NLGN4X: variants seen among roughly 807,000 people sequenced by gnomAD.
NLGN4X encodes the protein neuroligin 4 X-linked, also known as neuroligin-4, X-linked.
In NLGN4X, 3 loss-of-function variants were observed where a neutral mutation model predicts 40.3. The ratio of observed to expected loss-of-function variants is 0.07; its 90% CI spans 0.03 to 0.19. The LOEUF (loss-of-function observed/expected upper bound fraction) is 0.19. Among genes scored for constraint, NLGN4X ranks in the 10% least tolerant of loss-of-function variants. The probability of loss-of-function intolerance (pLI) is 1.00; values close to 1 mark genes in which losing one functional copy is unlikely to be tolerated. For missense variants in NLGN4X, 382 were observed against 708.3 expected (o/e 0.54, Z 5.23); for synonymous variants, 270 against 306.8 (o/e 0.88, Z 1.25).
chrX:6,087,658 T>G (rs757866670), intron 2 of NLGN4X, among the ~76,000 whole-genome samples: 57 of 111,867 alleles, frequency 5.1e-4, no homozygotes, highest in African/African-American at 1.8e-3. Flanking sequence ...TAAATTTTGT[T>G]GTATAATACC....
At chrX:5,968,175 A>G (rs1428404164) in intron 3 of NLGN4X, among the ~76,000 whole-genome samples, 1 of 109,239 alleles carries the variant, frequency 9.2e-6, no homozygotes, top group Non-Finnish European at 1.9e-5. Flanking sequence ...CCGTAATGCA[A>G]TATTTTTATT....
intron 2 of NLGN4X, among the ~76,000 whole-genome samples, chrX:6,141,093 T>C (rs1290541721): frequency 8.9e-6 from 1 of 111,801 alleles, no homozygotes; most frequent in Non-Finnish European, 1.9e-5. Flanking sequence ...GTGGATGTTT[T>C]TGATCTCACA....
chrX:6,223,110 C>A (rs73627057), intron 1 of NLGN4X, among the ~76,000 whole-genome samples: 12,843 of 109,570 alleles, frequency 0.12, 622 homozygotes, highest in African/African-American at 0.16. Context: ...ATGATGCAGA[C>A]CTTACTATAA....
intron 2 of NLGN4X, among the ~76,000 whole-genome samples, chrX:6,078,585 C>T (rs771413074): frequency 1.5e-4 from 17 of 111,593 alleles, no homozygotes; most frequent in East Asian, 8.5e-4. Flanking sequence ...AATGTGCTTG[C>T]GGCAATTATT....
intron 2 of NLGN4X, among the ~76,000 whole-genome samples, chrX:6,069,342 GA>G (rs1301875492): frequency 9.0e-6 from 1 of 110,896 alleles, no homozygotes; most frequent in African/African-American, 3.3e-5. Context: ...ACTAATTTAA[GA>G]AAAGGACTAA....
At chrX:6,052,647 T>A (rs1451859837) in intron 2 of NLGN4X, among the ~76,000 whole-genome samples, 1 of 112,154 alleles carries the variant, frequency 8.9e-6, no homozygotes, top group African/African-American at 3.2e-5. Context: ...ATTGGCCACC[T>A]CCATCTCTAC....
chrX:5,976,605 T>C (rs2035183870), intron 3 of NLGN4X, among the ~76,000 whole-genome samples: 1 of 112,254 alleles, frequency 8.9e-6, no homozygotes, highest in Non-Finnish European at 1.9e-5. Flanking sequence ...AAAATGAAAA[T>C]AAATGCACCG....
Position 6,151,123 on chromosome X carries a change from T to A in NLGN4X, c.344A>T (p.Asp115Val). The stretch of plus-strand genomic sequence containing the variant: ...CATGTCATGCAGTAAGGATCTCTCA[T>A]CCAGGTGCTGGGGGCACACAGCAGC... ...QFAAVCPQHL[D>V]ERSLLHDMLP... is the part of the protein sequence containing the mutation. Residue 115 changes from aspartate to valine, a missense_variant, in exon 2 of 6, where the codon GAT becomes GTT. Around this residue, in one of 5 missense-constraint regions of NLGN4X, gnomAD observed 115 missense variants for 149.6 expected, o/e 0.77. Transcript: ENST00000381095. 8.3e-7 allele frequency: 1 copy of A among 1,211,505 alleles called. No homozygotes were observed.
chrX:6,018,673 T>G (rs1286435712), intron 3 of NLGN4X, among the ~76,000 whole-genome samples: 1 of 112,013 alleles, frequency 8.9e-6, no homozygotes, highest in African/African-American at 3.2e-5. Context: ...TGTTTATGAT[T>G]TACAATGATG....
intron 3 of NLGN4X, among the ~76,000 whole-genome samples, chrX:5,955,458 G>C (rs751888219): frequency 8.1e-5 from 9 of 110,928 alleles, no homozygotes; most frequent in African/African-American, 2.6e-4. Flanking sequence ...CAGTAGAAAA[G>C]AATTATAATT....
chrX:5,900,134 T>C (rs1447131035), intron 5 of NLGN4X, among the ~76,000 whole-genome samples: 1 of 112,619 alleles, frequency 8.9e-6, no homozygotes, highest in Admixed American at 9.4e-5. Flanking sequence ...TATTAGAGAT[T>C]GAATACTGTC....
chrX:5,988,314 A>G (rs1318393915), intron 3 of NLGN4X, among the ~76,000 whole-genome samples: 2 of 112,053 alleles, frequency 1.8e-5, no homozygotes, highest in African/African-American at 3.2e-5. Context: ...CTGATTGCAC[A>G]TTGGCGTGTG....
At chrX:6,054,328 C>G (rs1436350506) in intron 2 of NLGN4X, among the ~76,000 whole-genome samples, 3 of 111,604 alleles carry the variant, frequency 2.7e-5, no homozygotes, top group African/African-American at 9.8e-5. Context: ...GTAAAAACAG[C>G]AGCCAAATGG....
At chrX:6,072,717 C>A (rs761658048) in intron 2 of NLGN4X, among the ~76,000 whole-genome samples, 36 of 111,774 alleles carry the variant, frequency 3.2e-4, no homozygotes, top group Middle Eastern at 4.6e-3. Context: ...CTCTCCCATT[C>A]AGTGCCGCCA....
At chrX:6,015,166 G>T (rs1656970200) in intron 3 of NLGN4X, among the ~76,000 whole-genome samples, 1 of 111,480 alleles carries the variant, frequency 9.0e-6, no homozygotes, top group Non-Finnish European at 1.9e-5. Context: ...TCCCCTACTG[G>T]ATAGAAATGC....
chrX:6,044,375 T>C (rs2037258299), intron 2 of NLGN4X, among the ~76,000 whole-genome samples: 1 of 111,822 alleles, frequency 8.9e-6, no homozygotes, highest in Non-Finnish European at 1.9e-5. Flanking sequence ...TTCAAAATAG[T>C]TCCTATCCTT....
chrX:6,159,933 C>G (rs2040349780), intron 1 of NLGN4X, among the ~76,000 whole-genome samples: 1 of 111,351 alleles, frequency 9.0e-6, no homozygotes, highest in Non-Finnish European at 1.9e-5. Context: ...CCAGCCTATT[C>G]TTTAAAAATA....
intron 3 of NLGN4X, among the ~76,000 whole-genome samples, chrX:5,936,902 A>G (rs1210440831): frequency 1.8e-5 from 2 of 111,875 alleles, no homozygotes; most frequent in Admixed American, 1.9e-4. Context: ...GAGTTGTAGC[A>G]TCCAGAAGAA....
chrX:6,158,161 A>C (rs1012015613), intron 1 of NLGN4X, among the ~76,000 whole-genome samples: 1 of 111,854 alleles, frequency 8.9e-6, no homozygotes, highest in Admixed American at 9.5e-5. Context: ...ACTCAAAGTC[A>C]TATGTCCTCA....
Sources: allele counts gnomAD v4.1 joint callset (sites outside exome capture counted in the v4.1 genomes callset), GRCh38; gene constraint gnomAD v4.1.1; regional missense constraint gnomAD v4.1.1; transcripts MANE v1.5; gene names NCBI Gene and HGNC (gene_info 2026-07-23, HGNC 2026-07-21).